Variants in COG5 observed in about 807,000 individuals in gnomAD.
The protein encoded by COG5 is component of oligomeric golgi complex 5.
In COG5, 86 loss-of-function variants were observed where a neutral mutation model predicts 110.4. The ratio of observed to expected loss-of-function variants is 0.78; its 90% CI spans 0.65 to 0.93. The LOEUF (loss-of-function observed/expected upper bound fraction) is 0.93, where lower values mean the gene tolerates loss of function less well. Among genes scored for constraint, COG5 ranks in the 40% least tolerant of loss-of-function variants. The pLI is 0.00. For synonymous variants in COG5, 360 were observed against 334.6 expected, an observed-to-expected ratio of 1.08 and a Z score of -0.83; for missense variants, 1,077 against 987.0, an observed-to-expected ratio of 1.09 and a Z score of -1.22.
At chr7:107,504,792 T>G (rs1212758502) in intron 6 of COG5, among the ~76,000 whole-genome samples, 3 of 152,060 alleles carry the variant, frequency 2.0e-5, no homozygotes, top group Non-Finnish European at 4.4e-5. Context: ...TGCATAGGGG[T>G]GTTAATAGTA....
intron 10 of COG5, among the ~76,000 whole-genome samples, chr7:107,334,548 C>G (rs796989514): frequency 5.9e-5 from 9 of 151,862 alleles, no homozygotes; most frequent in African/African-American, 2.2e-4. Flanking sequence ...CAAAAGAAAC[C>G]AGTACTATAT....
intron 5 of COG5, among the ~76,000 whole-genome samples, chr7:107,530,582 C>G (rs998059587): frequency 1.1e-3 from 108 of 98,534 alleles, no homozygotes; most frequent in Admixed American, 3.4e-4. Flanking sequence ...GCCTGGGCAA[C>G]AAGAGCGAAA....
At chr7:107,518,502 T>G (rs1484571771) in intron 6 of COG5, among the ~76,000 whole-genome samples, 2 of 150,954 alleles carry the variant, frequency 1.3e-5, no homozygotes, top group East Asian at 3.9e-4. Flanking sequence ...AAAGCAGGGG[T>G]TACAATCCTA....
intron 1 of COG5, among the ~76,000 whole-genome samples, chr7:107,561,414 T>C (rs940510588): frequency 1.3e-4 from 20 of 152,210 alleles, no homozygotes; most frequent in African/African-American, 4.6e-4. Context: ...CTGACAAGTA[T>C]CTACAGGAAC....
Position 107,415,699 on chromosome 7 carries a change from T to C in COG5, c.539-3067A>G, listed in dbSNP as rs759275964. Among the ~76,000 whole-genome samples, 5 of 151,008 alleles carry C rather than the reference T, an allele frequency of 3.3e-5. No individual in the cohort carries two copies. In the South Asian group the frequency reaches 8.3e-4, roughly 25 times the overall value. On this transcript the variant is annotated intron_variant, in intron 6 of 21. Transcript: ENST00000297135. ...ACAGTAACATACATACATAGGGATA[T>C]ATGTACGTGTGCATGAATGTATATA...
chr7:107,299,512 T>G (rs946930606), intron 11 of COG5, among the ~76,000 whole-genome samples: 1 of 152,050 alleles, frequency 6.6e-6, no homozygotes, highest in African/African-American at 2.4e-5. Flanking sequence ...AGCACTATAC[T>G]TGTTGATTCT....
chr7:107,363,270 A>G (rs1013752791), intron 8 of COG5, among the ~76,000 whole-genome samples: 8 of 152,204 alleles, frequency 5.3e-5, no homozygotes, highest in African/African-American at 1.9e-4. Context: ...TCAGTGGAAA[A>G]AAGAGTGATT....
At chr7:107,416,433 A>G (rs11765928) in intron 6 of COG5, among the ~76,000 whole-genome samples, 6,667 of 152,178 alleles carry the variant, frequency 0.044, 202 homozygotes, top group Middle Eastern at 0.095. Flanking sequence ...ACTGAGAAAC[A>G]TAAGACTAAA....
chr7:107,444,930 G>A (rs1794917263), intron 6 of COG5, among the ~76,000 whole-genome samples: 1 of 152,160 alleles, frequency 6.6e-6, no homozygotes, highest in Non-Finnish European at 1.5e-5. Flanking sequence ...GCTCATGCCT[G>A]TAATCCTAGC....
At chr7:107,241,034 T>C (rs138167922) in intron 17 of COG5, among the ~76,000 whole-genome samples, 1 of 152,204 alleles carries the variant, frequency 6.6e-6, no homozygotes, top group Non-Finnish European at 1.5e-5. Context: ...AACCTATCAG[T>C]TGAAGAAACA....
Position 107,527,262 on chromosome 7 carries a change from T to C in COG5, c.513A>G (p.Lys171=), listed in dbSNP as rs1178585946. 2 of 1,603,396 alleles carry C rather than the reference T, an allele frequency of 1.2e-6. No homozygotes were observed. The highest frequency in any genetic ancestry group is 8.5e-7 in the Non-Finnish European group (1 of 1,173,932). ...CAAGTTCATTGAGACTCTGAGCAGC[T>C]TTTGTTATCTCTCTACTTCCCCCTT... ...QLQGGSREIT[K]AAQSLNELDY... is the part of the protein sequence containing the mutation. The change falls in exon 6 of 22, where the codon AAA becomes AAG. Residue 171 remains lysine (K), a synonymous_variant. Transcript: ENST00000297135.
At chr7:107,218,963 G>A (rs1799711144) in intron 19 of COG5, among the ~76,000 whole-genome samples, 1 of 151,976 alleles carries the variant, frequency 6.6e-6, no homozygotes, top group Non-Finnish European at 1.5e-5. Context: ...CTGATAAGAA[G>A]CTAACATTCA....
intron 6 of COG5, among the ~76,000 whole-genome samples, chr7:107,413,866 A>G (rs770409466): frequency 6.6e-6 from 1 of 152,262 alleles, no homozygotes; most frequent in Non-Finnish European, 1.5e-5. Flanking sequence ...CAATCTTGCT[A>G]GAAATCTCAT....
At chr7:107,310,343 G>A (rs1457451304) in intron 11 of COG5, among the ~76,000 whole-genome samples, 1 of 152,198 alleles carries the variant, frequency 6.6e-6, no homozygotes, top group Non-Finnish European at 1.5e-5. Context: ...ACTTTATAAA[G>A]ATGTTTCACA....
chr7:107,246,491 C>T (rs1276161097), intron 17 of COG5, among the ~76,000 whole-genome samples: 1 of 152,070 alleles, frequency 6.6e-6, no homozygotes, highest in African/African-American at 2.4e-5. Flanking sequence ...GATCCAGAAT[C>T]CATAAGGAAC....
chr7:107,306,869 C>T (rs995032575), intron 11 of COG5, among the ~76,000 whole-genome samples: 4 of 152,148 alleles, frequency 2.6e-5, no homozygotes, highest in Admixed American at 2.0e-4. Context: ...TTGACAGGAA[C>T]ACACGTCCAA....
At position 107,496,019 on chromosome 7, in the gene COG5, C is replaced by T. The variant is rs952971569; in HGVS notation, c.538+31218G>A. Among the ~76,000 whole-genome samples the T allele has an allele frequency of 7.9e-5, 12 of 151,648 alleles. 1 individual carries two copies. The highest frequency in any genetic ancestry group is 3.9e-4 in the East Asian group (2 of 5,150). ...CTGGTCTTGAACTCCTGAGCTCAAA[C>T]GATCCTCCCACCTTAGCCTCCTGAG... is the stretch of plus-strand genomic sequence containing the variant. On this transcript the variant is annotated intron_variant, in intron 6 of 21. Coordinates refer to ENST00000297135, the MANE Select transcript of COG5 (RefSeq NM_006348.5).
chr7:107,409,922 G>C (rs1792153615), intron 7 of COG5, among the ~76,000 whole-genome samples: 1 of 152,338 alleles, frequency 6.6e-6, no homozygotes, highest in East Asian at 1.9e-4. Context: ...TGAAATGGAA[G>C]AGGGAACTGG....
chr7:107,350,982 A>G (rs545231200), intron 10 of COG5, among the ~76,000 whole-genome samples: 11 of 152,298 alleles, frequency 7.2e-5, no homozygotes, highest in African/African-American at 2.2e-4. Context: ...TATTTTTCGC[A>G]AGCTTAATAG....
Sources: gnomAD v4.1 joint callset for allele counts (sites outside exome capture counted in the v4.1 genomes callset) on GRCh38, gnomAD v4.1.1 for gene constraint, MANE v1.5 for transcripts, NCBI Gene and HGNC (gene_info 2026-07-23, HGNC 2026-07-21) for gene names.